Variants in NBEAL1 observed in about 807,000 individuals in gnomAD.
The protein encoded by NBEAL1 is neurobeachin-like protein 1.
In NBEAL1, 273 loss-of-function variants were observed where a neutral mutation model predicts 351.3. The ratio of observed to expected loss-of-function variants is 0.78; its 90% CI spans 0.70 to 0.86. The LOEUF is 0.86. NBEAL1 is among the 40% of genes least tolerant of loss of function. NBEAL1 has a pLI of 0.00. For synonymous variants in NBEAL1, 1,050 were observed against 1,086.4 expected, an observed-to-expected ratio of 0.97 and a Z score of 0.66; for missense variants, 2,961 against 3,201.3, an observed-to-expected ratio of 0.92 and a Z score of 1.81.
rs1559035453 is a variant in NBEAL1, at chr2:203,172,024, G to C, written c.6198+1G>C. On this transcript the variant is annotated splice_donor_variant, in intron 40 of 55. Transcript: ENST00000683969. LOFTEE classifies it high-confidence loss of function. ...TAATGACCTTGCACAGTATCCTGTGGTAAGTTTTGCATAAACCTTATAAAT... is the reference window on the plus strand; with the variant it reads ...TAATGACCTTGCACAGTATCCTGTGCTAAGTTTTGCATAAACCTTATAAAT... The C allele has an allele frequency of 6.4e-7, 1 of 1,571,650 alleles. No homozygotes were observed. Among genetic ancestry groups the C allele is most frequent in the Non-Finnish European group, 8.6e-7 (1 of 1,159,366 alleles).
rs1480250060 is a variant in NBEAL1, at chr2:203,151,455, A to G, written c.5463-10A>G. 2 of 1,569,512 alleles carry G rather than the reference A, an allele frequency of 1.3e-6. No individual in the cohort carries two copies. Among genetic ancestry groups the G allele is most frequent in the Non-Finnish European group, 1.7e-6 (2 of 1,158,208 alleles). On this transcript the variant is annotated splice_polypyrimidine_tract_variant and intron_variant, in intron 34 of 55. Coordinates refer to ENST00000683969, the MANE Select transcript of NBEAL1 (RefSeq NM_001378026.1). ...AATAATTTTACTTATTTGCTTATGAATATTCTTAGGAAACAGAATCCAATT... is the reference window on the plus strand; with the variant it reads ...AATAATTTTACTTATTTGCTTATGAGTATTCTTAGGAAACAGAATCCAATT...
Position 203,169,824 on chromosome 2 carries a change from G to A in NBEAL1, c.6075G>A (p.Glu2025=). 1 of 1,607,214 alleles carries A rather than the reference G, an allele frequency of 6.2e-7. No homozygotes were observed. The highest frequency in any genetic ancestry group is 8.5e-7 in the Non-Finnish European group (1 of 1,175,848). ...NSYYGSRSPQ[E]LFKASGLTQK... is the part of the protein sequence containing the mutation. ...ATTATGGAAGCAGATCACCACAGGA[G>A]TTATTCAAAGCATCAGGATTGACAC... Residue 2025 remains glutamate (E), a synonymous_variant, in exon 39 of 56, where the codon GAG becomes GAA. Coordinates refer to ENST00000683969, the MANE Select transcript of NBEAL1 (RefSeq NM_001378026.1).
chr2:203,127,942 T>G lies in NBEAL1; in HGVS notation c.3405+5T>G. On this transcript the variant is annotated splice_donor_5th_base_variant and intron_variant, in intron 24 of 55. Coordinates refer to ENST00000683969, the MANE Select transcript of NBEAL1 (RefSeq NM_001378026.1). ...GCTACTAATGAAGAAGAACAGGTATTATGCCTAAGATACATCTACTTTTCC... is the reference window on the plus strand; with the variant it reads ...GCTACTAATGAAGAAGAACAGGTATGATGCCTAAGATACATCTACTTTTCC... 2 of 1,545,704 alleles carry G rather than the reference T, an allele frequency of 1.3e-6. No individual in the cohort carries two copies. Among genetic ancestry groups the G allele is most frequent in the Non-Finnish European group, 1.8e-6 (2 of 1,142,444 alleles).
At chr2:203,138,086 A>C (rs10180815) in intron 29 of NBEAL1, 76 bp from the exon 30 acceptor site, 1,328,286 of 1,399,600 alleles carry the variant, frequency 0.95, 631,875 homozygotes, top group Non-Finnish European at 0.96. Flanking sequence ...CTCTCAAGCT[A>C]TTTTGTTTTG....
intron 29 of NBEAL1, 53 bp from the exon 30 acceptor site, chr2:203,138,107 CCT>C: frequency 6.4e-7 from 1 of 1,557,498 alleles, no homozygotes; most frequent in South Asian, 1.2e-5. Context: ...TTTTTAATGT[CCT>C]ACTGTTTTTC....
intron 44 of NBEAL1, among the ~76,000 whole-genome samples, chr2:203,187,743 C>T (rs1001219179): frequency 3.0e-5 from 4 of 132,272 alleles, no homozygotes; most frequent in African/African-American, 5.5e-5. Context: ...AGACTTCGTC[C>T]CAAAAAAAAA....
intron 19 of NBEAL1, among the ~76,000 whole-genome samples, chr2:203,123,390 G>A (rs1284132455): frequency 7.4e-5 from 11 of 148,398 alleles, no homozygotes; most frequent in Non-Finnish European, 1.6e-4. Flanking sequence ...TGGCTGGAGT[G>A]CAGTGGATCT....
Position 203,135,697 on chromosome 2 carries a change from C to A in NBEAL1, c.3834C>A (p.Phe1278Leu). The change falls in exon 28 of 56, where the codon TTC becomes TTA. Residue 1278 changes from phenylalanine (F) to leucine (L), a missense_variant. By Grantham distance (22) the Phe-to-Leu change is conservative. Coordinates refer to ENST00000683969, the MANE Select transcript of NBEAL1 (RefSeq NM_001378026.1). ...TACAGGTTTTGCAAATTTTGCAGTT[C>A]CAGCCAGATGCAGCACATCAAATAT... is the stretch of plus-strand genomic sequence containing the variant. ...ICRKVLQILQ[F>L]QPDAAHQISQ... is the part of the protein sequence containing the mutation. 1 of 1,521,250 alleles carries A rather than the reference C, an allele frequency of 6.6e-7. No homozygotes were observed. The highest frequency in any genetic ancestry group is 8.8e-7 in the Non-Finnish European group (1 of 1,132,088). The allele number at this position is 1,521,250 out of a possible 1,614,324, so 94.2% of individuals were successfully genotyped here. A position where few individuals can be genotyped will look rare whatever the true frequency, so the allele number is the denominator to read the frequency against.
chr2:203,173,974 T>C (rs1246352126), intron 41 of NBEAL1, among the ~76,000 whole-genome samples: 1 of 152,058 alleles, frequency 6.6e-6, no homozygotes. Flanking sequence ...TTATACACGC[T>C]AATTCAGATG....
chr2:203,033,290 G>A (rs938232897), intron 2 of NBEAL1, among the ~76,000 whole-genome samples: 5 of 152,176 alleles, frequency 3.3e-5, no homozygotes, highest in Admixed American at 2.0e-4. Context: ...GTGAGCCACC[G>A]CGCCCAGCCA....
At chr2:203,088,990 A>G (rs2062016470) in intron 10 of NBEAL1, among the ~76,000 whole-genome samples, 1 of 152,130 alleles carries the variant, frequency 6.6e-6, no homozygotes, top group Non-Finnish European at 1.5e-5. Context: ...AGAGTAGGAG[A>G]CAAGTTTTCA....
chr2:203,169,411 A>C (rs1358636845), intron 38 of NBEAL1, among the ~76,000 whole-genome samples: 10 of 150,252 alleles, frequency 6.7e-5, no homozygotes, highest in Admixed American at 3.3e-4. Context: ...AAAAAAAAAA[A>C]CCACTGAAGC....
In NBEAL1 at chr2:203,175,369, A is replaced by G. The variant is rs1420203917; in HGVS notation, c.6464+82A>G. 11 of 1,384,238 alleles carry G rather than the reference A, an allele frequency of 7.9e-6. No homozygotes were observed. In the East Asian group the frequency reaches 2.4e-4, roughly 30 times the overall value. The allele number at this position is 1,384,238 out of a possible 1,614,324, so 85.7% of individuals were successfully genotyped here. A position where few individuals can be genotyped will look rare whatever the true frequency, so the allele number is the denominator to read the frequency against. ...TTGCCTTCATGTCATGTACTGTGTA[A>G]CATGTCTTTTTTATTCTCCTGTATT... On this transcript the variant is annotated intron_variant, in intron 42 of 55. Coordinates refer to ENST00000683969, the MANE Select transcript of NBEAL1 (RefSeq NM_001378026.1).
Position 203,083,316 on chromosome 2 carries a change from T to A in NBEAL1, c.782T>A (p.Val261Glu), listed in dbSNP as rs531118073. 1.9e-5 allele frequency: 29 copies of A among 1,553,450 alleles called. No homozygotes were observed. The African/African-American group carries it at 3.8e-4, about 20-fold the overall frequency. Residue 261 changes from valine to glutamate, a missense_variant, in exon 9 of 56, where the codon GTG becomes GAG. Transcript: ENST00000683969. ...TGGGAGGATGGAGATCCTGAAGAAGTGGGTAGGAAGGCAGAACTAACTCTG... is the reference window on the plus strand; with the variant it reads ...TGGGAGGATGGAGATCCTGAAGAAGAGGGTAGGAAGGCAGAACTAACTCTG... ...DSWEDGDPEE[V>E]GRKAELTLKC... is the part of the protein sequence containing the mutation.
intron 45 of NBEAL1, 111 bp from the exon 46 acceptor site, chr2:203,190,180 AC>A: frequency 5.7e-6 from 1 of 174,578 alleles, no homozygotes; most frequent in African/African-American, 3.9e-5. Context: ...ACACACACAC[AC>A]ACACACACAC....
chr2:203,180,162 T>C (rs2064660101), intron 42 of NBEAL1, among the ~76,000 whole-genome samples: 1 of 152,346 alleles, frequency 6.6e-6, no homozygotes, highest in Non-Finnish European at 1.5e-5. Context: ...AAGGTGCTAC[T>C]GGTGATTAAA....
intron 43 of NBEAL1, chr2:203,181,389 G>A (rs1182714333): frequency 2.6e-5 from 4 of 152,084 alleles, no homozygotes; most frequent in Admixed American, 1.3e-4. Context: ...GAGCATGCAA[G>A]AGTAGGCAAA....
intron 35 of NBEAL1, among the ~76,000 whole-genome samples, chr2:203,154,640 C>T (rs553986790): frequency 6.6e-6 from 1 of 152,116 alleles, no homozygotes; most frequent in Non-Finnish European, 1.5e-5. Flanking sequence ...TAATTTCAAA[C>T]AGCTGACTTA....
intron 31 of NBEAL1, 70 bp downstream of exon 31, chr2:203,138,818 G>A: frequency 7.1e-7 from 1 of 1,401,534 alleles, no homozygotes; most frequent in East Asian, 2.6e-5. Context: ...TAACAAGCCA[G>A]TTAAAATGTC....
Sources: gnomAD v4.1 joint callset for allele counts (sites outside exome capture counted in the v4.1 genomes callset) on GRCh38, gnomAD v4.1.1 for gene constraint, MANE v1.5 for transcripts, NCBI Gene and HGNC (gene_info 2026-07-23, HGNC 2026-07-21) for gene names.